The following CELF2 variants were observed in gnomAD, a reference collection of about 807,000 sequenced individuals.
CELF2 encodes the protein CUG triplet repeat RNA-binding protein 2.
A neutral mutation model predicts 62.6 loss-of-function variants in CELF2; 8 were observed. The ratio of observed to expected loss-of-function variants is 0.13; its 90% confidence interval spans 0.07 to 0.23. The LOEUF is 0.23. Ranked by LOEUF, CELF2 falls within the 10% of genes least tolerant of loss-of-function variation. CELF2 has a pLI of 1.00. For synonymous variants in CELF2, 258 were observed against 250.0 expected (o/e 1.03, Z -0.30); for missense variants, 333 against 671.0 (o/e 0.50, Z 5.56).
rs653371 is a variant in CELF2, at chr10:11,159,401, T to C, written c.75-6085T>C. 0.55 allele frequency among the ~76,000 whole-genome samples: 83,863 copies of C among 152,124 alleles called. 24,722 individuals carry two copies. Among genetic ancestry groups the C allele is most frequent in the East Asian group, 0.86 (4,429 of 5,174 alleles). On this transcript the variant is annotated intron_variant, in intron 1 of 12. Coordinates refer to ENST00000633077, the MANE Select transcript of CELF2 (RefSeq NM_001326342.2). This position sits in a 1 kb window ranked among gnomAD's most constrained non-coding sequence, Gnocchi z 5.0. ...AGACAGACGCGTTTTTCATGATGAC[T>C]GTGAAGCAGTGCATTTTAAAAGGGA... is the stretch of plus-strand genomic sequence containing the variant.
the CELF2 span, among the ~76,000 whole-genome samples, chr10:10,778,937 C>A: frequency 6.6e-6 from 1 of 152,084 alleles, no homozygotes; most frequent in Non-Finnish European, 1.5e-5. Context: ...GGTCTTGACA[C>A]CCATTTGGAT....
chr10:10,890,471 A>T (rs2062054118), intron 1 of CELF2, among the ~76,000 whole-genome samples: 1 of 152,236 alleles, frequency 6.6e-6, no homozygotes, highest in South Asian at 2.1e-4. Flanking sequence ...CATTATTACA[A>T]TTATTGAAAT....
chr10:10,657,271 G>C, the CELF2 span, among the ~76,000 whole-genome samples: 1 of 152,196 alleles, frequency 6.6e-6, no homozygotes, highest in African/African-American at 2.4e-5. Context: ...AAAAGGGACA[G>C]TGAGAGTAAT....
At position 11,156,239 on chromosome 10, in the gene CELF2, G is replaced by A. The variant is rs1002247600; in HGVS notation, c.75-9247G>A. On this transcript the variant is annotated intron_variant, in intron 1 of 12. Coordinates refer to ENST00000633077, the MANE Select transcript of CELF2 (RefSeq NM_001326342.2). This position sits in a 1 kb window ranked among gnomAD's most constrained non-coding sequence, Gnocchi z 4.3. ...ACTAGTAATAGGTGTGTTGACTCTC[G>A]GATTTAATAGGACGGCACTGGACGG... Among the ~76,000 whole-genome samples the A allele has an allele frequency of 1.2e-4, 18 of 152,128 alleles. No homozygotes were observed. Among genetic ancestry groups the A allele is most frequent in the African/African-American group, 4.1e-4 (17 of 41,408 alleles).
chr10:10,660,277 G>T, the CELF2 span, among the ~76,000 whole-genome samples: 2 of 152,318 alleles, frequency 1.3e-5, no homozygotes, highest in African/African-American at 4.8e-5. Flanking sequence ...AACATTGCAA[G>T]GTAAGTTTTA....
the CELF2 span, among the ~76,000 whole-genome samples, chr10:10,487,252 T>C: frequency 6.6e-6 from 1 of 152,194 alleles, no homozygotes; most frequent in African/African-American, 2.4e-5. Flanking sequence ...GTTTTACTTA[T>C]AGCACAGTTG....
the CELF2 span, among the ~76,000 whole-genome samples, chr10:10,543,811 G>A: frequency 1.2e-4 from 19 of 152,184 alleles, no homozygotes; most frequent in African/African-American, 3.9e-4. Context: ...CCCCTCTCCC[G>A]CTTCAGAGGG....
intron 1 of CELF2, among the ~76,000 whole-genome samples, chr10:11,126,911 T>A (rs879939561): frequency 8.5e-5 from 13 of 152,206 alleles, no homozygotes; most frequent in Non-Finnish European, 1.0e-4. Context: ...CTTTTTTTTT[T>A]AATACTTTAA....
chr10:10,920,068 G>A, intron 2 of CELF2: 1 of 1,087,916 alleles, frequency 9.2e-7, no homozygotes, highest in African/African-American at 1.6e-5. Context: ...ACTGTGCCAT[G>A]TCTTCTGTAA....
At chr10:10,967,406 C>T (rs2050236407) in intron 2 of CELF2, among the ~76,000 whole-genome samples, 1 of 152,126 alleles carries the variant, frequency 6.6e-6, no homozygotes, top group African/African-American at 2.4e-5. Context: ...CTTTCCTACT[C>T]CTCATTTTCA....
chr10:10,999,041 A>G (rs577924056), intron 2 of CELF2, among the ~76,000 whole-genome samples: 1 of 152,252 alleles, frequency 6.6e-6, no homozygotes, highest in South Asian at 2.1e-4. Flanking sequence ...TTATGAAAAC[A>G]TCAAGTTTAT....
intron 2 of CELF2, among the ~76,000 whole-genome samples, chr10:10,954,332 A>G (rs970147553): frequency 6.6e-6 from 1 of 151,444 alleles, no homozygotes. Flanking sequence ...TGCACCCTCC[A>G]CCTTCCAGGT....
chr10:10,545,036 A>G, the CELF2 span, among the ~76,000 whole-genome samples: 1 of 152,188 alleles, frequency 6.6e-6, no homozygotes, highest in East Asian at 1.9e-4. Flanking sequence ...CACACCTCTC[A>G]GTGGGTTTTC....
intron 1 of CELF2, among the ~76,000 whole-genome samples, chr10:10,820,775 G>C (rs1023514396): frequency 6.6e-6 from 1 of 152,154 alleles, no homozygotes; most frequent in Non-Finnish European, 1.5e-5. Flanking sequence ...CACATTCAAG[G>C]CCGCATTGAA....
intron 2 of CELF2, among the ~76,000 whole-genome samples, chr10:11,215,864 T>A (rs2063226455): frequency 6.6e-6 from 1 of 152,186 alleles, no homozygotes; most frequent in Non-Finnish European, 1.5e-5. Context: ...ATGAAGCAAT[T>A]CCTATGGCTT....
Position 11,314,338 on chromosome 10 carries a change from T to C in CELF2, c.1096+80T>C. On this transcript the variant is annotated intron_variant, in intron 10 of 12. Transcript: ENST00000633077. This position sits in a 1 kb window ranked among gnomAD's most constrained non-coding sequence, Gnocchi z 5.3. ...TCCACAGAAAGTGGTCAGCCAGAAA[T>C]GACCCGAAAAAGGATATGCCACGGG... The C allele has an allele frequency of 1.9e-6, 3 of 1,599,086 alleles. No individual in the cohort carries two copies. In the South Asian group the frequency reaches 3.3e-5, roughly 18 times the overall value.
chr10:11,089,430 A>T (rs1207406474), intron 1 of CELF2, among the ~76,000 whole-genome samples: 1 of 152,200 alleles, frequency 6.6e-6, no homozygotes, highest in African/African-American at 2.4e-5. Flanking sequence ...AAAAGCAGAG[A>T]TAGTGGCCAG....
rs1366805895 is a variant in CELF2 at position 11,331,915 on chromosome 10, G to A, written c.*2862G>A. The A allele has an allele frequency of 6.6e-6, 1 of 152,316 alleles. No homozygotes were observed. The highest frequency in any genetic ancestry group is 1.9e-4 in the East Asian group (1 of 5,198). 9.4% of individuals were successfully genotyped at this position (152,316 alleles called of 1,614,324 possible). On this transcript the variant is annotated 3_prime_UTR_variant, in exon 13 of 13. Coordinates refer to ENST00000633077, the MANE Select transcript of CELF2 (RefSeq NM_001326342.2). ...CTGTCATGATTTGAGTTTGTTTTGG[G>A]GTGTTTCCAATTTGGATTTTTTTCC...
the CELF2 span, among the ~76,000 whole-genome samples, chr10:10,465,093 C>T: frequency 6.6e-6 from 1 of 152,114 alleles, no homozygotes; most frequent in Non-Finnish European, 1.5e-5. Context: ...TTATTTTACA[C>T]ACAGACATAT....
Sources: gnomAD v4.1 joint callset for allele counts (sites outside exome capture counted in the v4.1 genomes callset) on GRCh38, gnomAD v4.1.1 for gene constraint, Gnocchi (gnomAD v3.1) non-coding constraint, MANE v1.5 for transcripts, NCBI Gene and HGNC (gene_info 2026-07-23, HGNC 2026-07-21) for gene names.